Variants in CCDC171 observed in about 807,000 individuals in gnomAD.
CCDC171 encodes the protein coiled-coil domain containing 171.
In CCDC171, 177 loss-of-function variants were observed where a neutral mutation model predicts 168.2. The ratio of observed to expected loss-of-function variants is 1.05; its 90% confidence interval spans 0.93 to 1.19. The LOEUF (loss-of-function observed/expected upper bound fraction) is 1.19. CCDC171 is among the 50% of genes most tolerant of loss of function. The pLI, the probability that CCDC171 is intolerant of heterozygous loss-of-function variation, is 0.00. For synonymous variants in CCDC171, 687 were observed against 540.8 expected, an observed-to-expected ratio of 1.27 and a Z score of -3.75; for missense variants, 1,991 against 1,539.0, an observed-to-expected ratio of 1.29 and a Z score of -4.91.
intron 6 of CCDC171, among the ~76,000 whole-genome samples, chr9:15,611,892 A>G (rs143493177): frequency 4.5e-4 from 69 of 152,236 alleles, no homozygotes; most frequent in Non-Finnish European, 4.1e-4. Context: ...GTTGAAACCT[A>G]ATTGCCATTG....
chr9:15,846,889 A>G, intron 22 of CCDC171, 42 bp downstream of exon 22: 1 of 1,547,016 alleles, frequency 6.5e-7, no homozygotes, highest in Non-Finnish European at 8.8e-7. Context: ...AAACAGACAA[A>G]AGATCAATTC....
rs1278743440 is a variant in CCDC171, at chr9:15,563,135, ACTT to A, written c.-111-839_-111-837del. Among the ~76,000 whole-genome samples, 259 of 148,916 alleles carry A rather than the reference ACTT, an allele frequency of 1.7e-3. 2 individuals are homozygous for A. Among genetic ancestry groups the A allele is most frequent in the African/African-American group, 6.0e-3 (246 of 40,914 alleles). On this transcript the variant is annotated intron_variant, in intron 1 of 25. Transcript: ENST00000380701. ...TGTAACTATGTGACTTTTTCAAGTTACTTCTTTTTTTTTTTTTTTTGACACGGA... is the reference window on the plus strand; with the variant it reads ...TGTAACTATGTGACTTTTTCAAGTTACTTTTTTTTTTTTTTTTGACACGGA...
intron 8 of CCDC171, among the ~76,000 whole-genome samples, chr9:15,663,445 C>G (rs2048471698): frequency 6.6e-6 from 1 of 151,748 alleles, no homozygotes; most frequent in Admixed American, 6.6e-5. Flanking sequence ...CCCTCCCATT[C>G]CTCTACCCTC....
At chr9:15,623,969 T>G (rs912752155) in intron 7 of CCDC171, among the ~76,000 whole-genome samples, 7 of 152,220 alleles carry the variant, frequency 4.6e-5, no homozygotes, top group Non-Finnish European at 7.3e-5. Context: ...AGTTCATCTT[T>G]TTAAAATTTC....
intron 2 of CCDC171, among the ~76,000 whole-genome samples, chr9:15,566,848 C>T (rs544971452): frequency 1.3e-5 from 2 of 152,080 alleles, no homozygotes; most frequent in South Asian, 2.1e-4. Context: ...ACTTTTTGTA[C>T]GAGGTAAGGG....
the CCDC171 span, among the ~76,000 whole-genome samples, chr9:16,092,270 G>C: frequency 6.6e-6 from 1 of 152,192 alleles, no homozygotes; most frequent in Non-Finnish European, 1.5e-5. Flanking sequence ...ATATCACCCA[G>C]GTGGCCTGAC....
At chr9:15,982,183 A>G (rs1202475922) in intron 3 of CCDC171, among the ~76,000 whole-genome samples, 2 of 151,458 alleles carry the variant, frequency 1.3e-5, no homozygotes, top group Non-Finnish European at 2.9e-5. Flanking sequence ...ACAGAGGAAG[A>G]TATCATAGCA....
At chr9:15,754,707 G>A (rs570643965) in intron 18 of CCDC171, among the ~76,000 whole-genome samples, 1 of 152,060 alleles carries the variant, frequency 6.6e-6, no homozygotes, top group East Asian at 1.9e-4. Context: ...TAAATCCTGT[G>A]TGCATCAATT....
intron 2 of CCDC171, among the ~76,000 whole-genome samples, chr9:15,567,956 A>AT (rs2039884183): frequency 6.8e-6 from 1 of 148,130 alleles, no homozygotes. Context: ...CTGGCCTTGC[A>AT]TTTCTTTTGT....
At chr9:15,875,033 A>G (rs1817661738) in intron 24 of CCDC171, 1 of 151,680 alleles carries the variant, frequency 6.6e-6, no homozygotes, top group South Asian at 2.1e-4. Context: ...GTAATTTTAG[A>G]AAAAAAATAA....
intron 7 of CCDC171, among the ~76,000 whole-genome samples, chr9:15,646,648 CAAAG>C (rs150189193): frequency 0.35 from 53,385 of 151,130 alleles, 11,597 homozygotes; most frequent in East Asian, 0.64. Flanking sequence ...TCAAAAGAGA[CAAAG>C]AAGGCTATTA....
chr9:15,804,012 A>G (rs1169634241), intron 21 of CCDC171, among the ~76,000 whole-genome samples: 1 of 152,038 alleles, frequency 6.6e-6, no homozygotes, highest in Non-Finnish European at 1.5e-5. Context: ...ATGGGAGTTC[A>G]TTCATGATTT....
intron 21 of CCDC171, among the ~76,000 whole-genome samples, chr9:15,810,088 A>C (rs1281476307): frequency 3.9e-5 from 6 of 152,150 alleles, no homozygotes; most frequent in Admixed American, 1.3e-4. Context: ...AGCTAGACAC[A>C]GAGTGCTGAT....
intron 7 of CCDC171, among the ~76,000 whole-genome samples, chr9:15,656,201 A>C (rs773636119): frequency 6.6e-6 from 1 of 152,072 alleles, no homozygotes; most frequent in Non-Finnish European, 1.5e-5. Flanking sequence ...TACGTGTAGT[A>C]GTCCCAGCTA....
At chr9:15,953,310 G>A (rs1250633865) in intron 25 of CCDC171, among the ~76,000 whole-genome samples, 1 of 152,044 alleles carries the variant, frequency 6.6e-6, no homozygotes, top group Non-Finnish European at 1.5e-5. Context: ...ATATGCTCCG[G>A]GCCTTTCATA....
upstream of CCDC171, among the ~76,000 whole-genome samples, chr9:16,042,003 A>G (rs1471145693): frequency 1.3e-5 from 2 of 152,216 alleles, no homozygotes; most frequent in African/African-American, 2.4e-5. Context: ...GTCTCATTCA[A>G]TCTTCATTTT....
chr9:15,592,875 T>C (rs1220601847), intron 5 of CCDC171, among the ~76,000 whole-genome samples: 1 of 152,102 alleles, frequency 6.6e-6, no homozygotes, highest in African/African-American at 2.4e-5. Context: ...TTTATTTTTA[T>C]TTTTATTATT....
chr9:16,079,248 G>T, the CCDC171 span, among the ~76,000 whole-genome samples: 1 of 152,200 alleles, frequency 6.6e-6, no homozygotes, highest in Non-Finnish European at 1.5e-5. Context: ...CAGTGGCCTG[G>T]TGTTACGGTT....
intron 24 of CCDC171, among the ~76,000 whole-genome samples, chr9:15,895,486 C>A (rs954708330): frequency 2.0e-5 from 3 of 152,016 alleles, no homozygotes; most frequent in Admixed American, 1.3e-4. Flanking sequence ...GTAGCTGACA[C>A]CATTGCAATA....
Sources: allele counts gnomAD v4.1 joint callset (sites outside exome capture counted in the v4.1 genomes callset), GRCh38; gene constraint gnomAD v4.1.1; transcripts MANE v1.5; gene names NCBI Gene and HGNC (gene_info 2026-07-23, HGNC 2026-07-21).